Variants in CD69 observed in about 807,000 individuals in gnomAD.
CD69 encodes the protein early activation antigen CD69.
Under a neutral mutation model 21.4 loss-of-function variants are expected in CD69, and 10 were observed. The observed-to-expected ratio is 0.47, with a 90% CI of 0.29 to 0.79. The LOEUF (loss-of-function observed/expected upper bound fraction) is 0.79. CD69 is among the 30% of genes least tolerant of loss of function. CD69 has a pLI of 0.09. For synonymous variants in CD69, 63 were observed against 78.2 expected (o/e 0.81, Z 1.03); for missense variants, 204 against 236.9 (o/e 0.86, Z 0.91).
At chr12:9,757,073 T>C (rs1472354191) in intron 1 of CD69, among the ~76,000 whole-genome samples, 1 of 152,030 alleles carries the variant, frequency 6.6e-6, no homozygotes, top group East Asian at 1.9e-4. Flanking sequence ...GAGTGAGACC[T>C]TGTCTAAAAA....
rs1866665576 is a variant in CD69, at chr12:9,754,908, T to C, written c.387+154A>G. ...ATTAAATCTCATTTTGACCTCAGGC[T>C]GATCATATGGTTCTCTGGGATGACA... On this transcript the variant is annotated intron_variant, in intron 3 of 4. Coordinates refer to ENST00000228434, the MANE Select transcript of CD69 (RefSeq NM_001781.2). 8.4e-6 allele frequency: 6 copies of C among 714,000 alleles called. No homozygotes were observed. In the South Asian group the frequency reaches 9.3e-5, roughly 11 times the overall value. 44.2% of individuals were successfully genotyped at this position (714,000 alleles called of 1,614,324 possible). A position where few individuals can be genotyped will look rare whatever the true frequency, so the allele number is the denominator to read the frequency against.
intron 1 of CD69, among the ~76,000 whole-genome samples, chr12:9,759,312 A>C (rs1040073214): frequency 4.6e-5 from 7 of 152,110 alleles, no homozygotes; most frequent in Non-Finnish European, 4.4e-5. Context: ...ATTAATGGAG[A>C]AGTTGAAAAT....
At chr12:9,754,272 G>A in intron 4 of CD69, 1 of 180,696 alleles carries the variant, frequency 5.5e-6, no homozygotes, top group Non-Finnish European at 1.2e-5. Context: ...ATGTGACATT[G>A]AAAATGGGTT....
At chr12:9,755,031 T>G (rs1456308050) in intron 3 of CD69, 31 bp downstream of exon 3, 1 of 1,549,848 alleles carries the variant, frequency 6.5e-7, no homozygotes, top group East Asian at 2.2e-5. Context: ...TGAATTAAAA[T>G]AGTAGTATTT....
intron 3 of CD69, 119 bp downstream of exon 3, chr12:9,754,943 A>G: frequency 1.1e-6 from 1 of 869,962 alleles, no homozygotes; most frequent in South Asian, 1.6e-5. Context: ...ATTTTCCTAC[A>G]TCTGAAATAG....
At chr12:9,755,008 C>T (rs754947612) in intron 3 of CD69, 54 bp downstream of exon 3, 1 of 1,409,690 alleles carries the variant, frequency 7.1e-7, no homozygotes, top group African/African-American at 1.4e-5. Flanking sequence ...AAGGAAAGCA[C>T]TGATTAGCCA....
intron 1 of CD69, among the ~76,000 whole-genome samples, chr12:9,758,966 G>T (rs1269013716): frequency 6.6e-6 from 1 of 151,276 alleles, no homozygotes; most frequent in Non-Finnish European, 1.5e-5. Context: ...GTCTCGCTCT[G>T]TCGTCCAGGC....
Position 9,755,259 on chromosome 12 carries a change from C to T in CD69, c.190G>A (p.Gly64Ser). ...LIIALIALSVGQYNCPGQYTF... is the reference protein window; with the variant it reads ...LIIALIALSVSQYNCPGQYTF... ...TATTGGCCTGGACAATTGTATTGGCCCACTGTGAACAGAAAAATGCTTTGT... is the reference window on the plus strand; with the variant it reads ...TATTGGCCTGGACAATTGTATTGGCTCACTGTGAACAGAAAAATGCTTTGT... Residue 64 changes from glycine to serine, a missense_variant and splice_region_variant, in exon 3 of 5, where the codon GGC becomes AGC. Transcript: ENST00000228434. The T allele has an allele frequency of 6.2e-7, 1 of 1,613,172 alleles. No individual in the cohort carries two copies. The highest frequency in any genetic ancestry group is 1.1e-5 in the South Asian group (1 of 91,024).
chr12:9,756,941 A>T (rs968754007), intron 1 of CD69, among the ~76,000 whole-genome samples: 1 of 152,144 alleles, frequency 6.6e-6, no homozygotes, highest in African/African-American at 2.4e-5. Flanking sequence ...TTAGCTGGTC[A>T]TGGTGGCACG....
Position 9,755,223 on chromosome 12 carries a change from T to C in CD69, c.226A>G (p.Met76Val), listed in dbSNP as rs996490771. 8.7e-6 allele frequency: 14 copies of C among 1,613,910 alleles called. No individual in the cohort carries two copies. The highest frequency in any genetic ancestry group is 1.7e-5 in the Admixed American group (1 of 59,986). ...YNCPGQYTFS[M>V]PSDSHVSSCS... ...GAAGAAACATGGCTGTCTGATGGCA[T>C]TGAGAATGTGTATTGGCCTGGACAA... is the stretch of plus-strand genomic sequence containing the variant. The change falls in exon 3 of 5, where the codon ATG (methionine) becomes GTG (valine). Residue 76 changes from methionine (M) to valine (V), a missense_variant. By Grantham distance (21) the Met-to-Val change is conservative (BLOSUM62 1). Transcript: ENST00000228434.
At chr12:9,754,416 T>G (rs1443634661) in intron 4 of CD69, 171 bp downstream of exon 4, 3 of 480,986 alleles carry the variant, frequency 6.2e-6, no homozygotes, top group Non-Finnish European at 1.1e-5. Context: ...AGAAAAAGAA[T>G]AATAATAAAG....
chr12:9,753,565 CTT>C lies in CD69; in HGVS notation c.514_515del (p.Lys172ValfsTer15). The part of the protein sequence containing the change: ...NNWFNVTGSD[K>X]CVFLKNTEVS... ...CCTCTGTGTTTTTCAGAAAAACACA[CTT>C]GTCAGACCCTGTAACGTTGAACCTG... On this transcript the variant is annotated frameshift_variant, in exon 5 of 5. Coordinates refer to ENST00000228434, the MANE Select transcript of CD69 (RefSeq NM_001781.2). LOFTEE classifies it low-confidence loss of function (END_TRUNC). The C allele has an allele frequency of 6.4e-7, 1 of 1,566,578 alleles. No individual in the cohort carries two copies. Among genetic ancestry groups the C allele is most frequent in the Non-Finnish European group, 8.8e-7 (1 of 1,141,318 alleles).
Position 9,760,837 on chromosome 12 carries a change from C to T in CD69, c.-17G>A. On this transcript the variant is annotated 5_prime_UTR_variant, in exon 1 of 5. Coordinates refer to ENST00000228434, the MANE Select transcript of CD69 (RefSeq NM_001781.2). ...AGAGCTCATCTTTATTCTCAAGATTCCCTAGTTAATCTCAGGTCAAGTCAA... is the reference window on the plus strand; with the variant it reads ...AGAGCTCATCTTTATTCTCAAGATTTCCTAGTTAATCTCAGGTCAAGTCAA... The T allele has an allele frequency of 6.2e-7, 1 of 1,603,546 alleles. No individual in the cohort carries two copies. Among genetic ancestry groups the T allele is most frequent in the Non-Finnish European group, 8.5e-7 (1 of 1,173,474 alleles).
intron 1 of CD69, 98 bp from the exon 2 acceptor site, chr12:9,756,517 A>G (rs765039289): frequency 3.1e-6 from 3 of 973,896 alleles, no homozygotes; most frequent in South Asian, 2.7e-5. Context: ...AATATTTCCT[A>G]TCTCATTATA....
intron 1 of CD69, 86 bp downstream of exon 1, chr12:9,760,671 G>A (rs1565489800): frequency 2.2e-6 from 2 of 922,660 alleles, no homozygotes; most frequent in South Asian, 2.7e-5. Context: ...CATATATAGA[G>A]AGATTACCAG....
Position 9,753,579 on chromosome 12 carries a change from T to C in CD69, c.502A>G (p.Thr168Ala), listed in dbSNP as rs767957751. The change falls in exon 5 of 5, where the codon ACA becomes GCA. Residue 168 changes from threonine to alanine, a missense_variant. Coordinates refer to ENST00000228434, the MANE Select transcript of CD69 (RefSeq NM_001781.2). ...GKEFNNWFNV[T>A]GSDKCVFLKN... is the part of the protein sequence containing the mutation. Reference sequence around the variant, plus strand: ...AGAAAAACACACTTGTCAGACCCTGTAACGTTGAACCTGTCAAACAATAAA... The same window carrying C: ...AGAAAAACACACTTGTCAGACCCTGCAACGTTGAACCTGTCAAACAATAAA... The C allele has an allele frequency of 1.3e-6, 2 of 1,524,878 alleles. No homozygotes were observed. The highest frequency in any genetic ancestry group is 1.2e-5 in the South Asian group (1 of 86,604). The allele number at this position is 1,524,878 out of a possible 1,614,324, so 94.5% of individuals were successfully genotyped here. A position where few individuals can be genotyped will look rare whatever the true frequency, so the allele number is the denominator to read the frequency against.
chr12:9,758,497 CT>C (rs200427858), intron 1 of CD69, among the ~76,000 whole-genome samples: 1 of 152,020 alleles, frequency 6.6e-6, no homozygotes, highest in African/African-American at 2.4e-5. Context: ...GAGAAGTTGC[CT>C]TTTTTTCACA....
intron 1 of CD69, 120 bp from the exon 2 acceptor site, chr12:9,756,539 C>T (rs756262943): frequency 3.6e-4 from 284 of 794,396 alleles, no homozygotes; most frequent in Non-Finnish European, 5.0e-4. Flanking sequence ...GAAATTTCCC[C>T]GTCTCTTTAT....
At chr12:9,754,758 T>C in intron 3 of CD69, 68 bp from the exon 4 acceptor site, 1 of 1,042,078 alleles carries the variant, frequency 9.6e-7, no homozygotes, top group Non-Finnish European at 1.5e-6. Context: ...GTAAATCCTG[T>C]TTCTCAAAAG....
Sources: allele counts gnomAD v4.1 joint callset (sites outside exome capture counted in the v4.1 genomes callset), GRCh38; gene constraint gnomAD v4.1.1; transcripts MANE v1.5; gene names NCBI Gene and HGNC (gene_info 2026-07-23, HGNC 2026-07-21).